TLN2: variants seen among roughly 807,000 people sequenced by gnomAD.
The protein encoded by TLN2 is talin-2.
A neutral mutation model predicts 294.7 loss-of-function variants in TLN2; 118 were observed. The ratio of observed to expected loss-of-function variants is 0.40; its 90% CI spans 0.34 to 0.47. TLN2 has a LOEUF of 0.47. Among genes scored for constraint, TLN2 ranks in the 20% least tolerant of loss-of-function variants. The pLI, the probability that TLN2 is intolerant of heterozygous loss-of-function variation, is 0.84. For missense variants in TLN2, 3,083 were observed against 3,282.2 expected (o/e 0.94, Z 1.48); for synonymous variants, 1,431 against 1,304.5 (o/e 1.10, Z -2.09).
intron 37 of TLN2, among the ~76,000 whole-genome samples, chr15:62,758,985 C>T (rs2062488068): frequency 6.6e-6 from 1 of 152,228 alleles, no homozygotes; most frequent in Non-Finnish European, 1.5e-5. Flanking sequence ...AATTGTTTCT[C>T]CCAGATGTCC....
intron 11 of TLN2, among the ~76,000 whole-genome samples, chr15:62,680,227 G>A (rs2056693010): frequency 6.6e-6 from 1 of 152,146 alleles, no homozygotes; most frequent in South Asian, 2.1e-4. Flanking sequence ...GATTTTGATA[G>A]TAATTGCATG....
At chr15:62,661,057 A>G (rs1452759960) in intron 9 of TLN2, among the ~76,000 whole-genome samples, 2 of 152,240 alleles carry the variant, frequency 1.3e-5, no homozygotes, top group African/African-American at 4.8e-5. Context: ...AGGTCAATGT[A>G]AAGAAGAATT....
rs765824466 is a variant in TLN2 at position 62,820,469 on chromosome 15, T to C, written c.6878-17T>C. 1 of 1,613,116 alleles carries C rather than the reference T, an allele frequency of 6.2e-7. No individual in the cohort carries two copies. The highest frequency in any genetic ancestry group is 1.3e-5 in the African/African-American group (1 of 74,980). ...TCTGCAGCTATGAAGAATCACCTTC[T>C]TTTGGACTGATTCTAGGAACAGAGT... On this transcript the variant is annotated splice_polypyrimidine_tract_variant and intron_variant, in intron 53 of 58. Transcript: ENST00000636159.
At chr15:62,609,027 G>A (rs780779296) in intron 2 of TLN2, among the ~76,000 whole-genome samples, 1 of 152,068 alleles carries the variant, frequency 6.6e-6, no homozygotes, top group Non-Finnish European at 1.5e-5. Context: ...CACTAGCCTG[G>A]AGAGTTTGTG....
At chr15:62,483,946 G>C (rs548543073) in intron 1 of TLN2, among the ~76,000 whole-genome samples, 61 of 152,214 alleles carry the variant, frequency 4.0e-4, no homozygotes, top group Non-Finnish European at 6.9e-4. Flanking sequence ...AGGGCAGTGC[G>C]TAGAGAAGAT....
At chr15:62,566,624 C>CTTTTT in intron 1 of TLN2, among the ~76,000 whole-genome samples, 1 of 135,540 alleles carries the variant, frequency 7.4e-6, no homozygotes, top group African/African-American at 2.7e-5. Flanking sequence ...AGAAACCTTC[C>CTTTTT]TTTTTTTTTT....
chr15:62,748,365 G>A lies in TLN2; in HGVS notation c.4040G>A (p.Ser1347Asn). ...TTCTGTCACAGAGCTGTGACAGAGA[G>A]CATCAATCAACTCATCACTCTGTGT... ...LAAAARAVTE[S>N]INQLITLCTQ... Residue 1347 changes from serine (S) to asparagine (N), a missense_variant, in exon 33 of 59, where the codon AGC (serine) becomes AAC (asparagine). Physicochemically the swap from Ser to Asn is conservative, Grantham distance 46. Coordinates refer to ENST00000636159, the MANE Select transcript of TLN2 (RefSeq NM_015059.3). 6.2e-6 allele frequency: 10 copies of A among 1,611,564 alleles called. No individual in the cohort carries two copies. Among genetic ancestry groups the A allele is most frequent in the South Asian group, 2.2e-5 (2 of 90,772 alleles).
At chr15:62,513,975 C>A (rs1254674480) in intron 1 of TLN2, among the ~76,000 whole-genome samples, 2 of 152,212 alleles carry the variant, frequency 1.3e-5, no homozygotes, top group Admixed American at 1.3e-4. Context: ...ACCCCTCCGC[C>A]CTCTACTAAC....
intron 1 of TLN2, among the ~76,000 whole-genome samples, chr15:62,495,879 C>T (rs2038987351): frequency 6.6e-6 from 1 of 151,590 alleles, no homozygotes; most frequent in Non-Finnish European, 1.5e-5. Context: ...TGGCTAATTG[C>T]ATGTTGCCTT....
chr15:62,439,277 G>T (rs1482537040), intron 1 of TLN2, among the ~76,000 whole-genome samples: 1 of 152,140 alleles, frequency 6.6e-6, no homozygotes, highest in Non-Finnish European at 1.5e-5. Context: ...CCTGTTAATA[G>T]ATTGATCCTG....
chr15:62,609,907 T>C (rs2047773601), intron 2 of TLN2, among the ~76,000 whole-genome samples: 1 of 152,246 alleles, frequency 6.6e-6, no homozygotes. Context: ...AATGTTACTG[T>C]CATTATTTTG....
chr15:62,787,263 C>T (rs1054782832), intron 45 of TLN2, among the ~76,000 whole-genome samples: 2 of 152,172 alleles, frequency 1.3e-5, no homozygotes, highest in African/African-American at 4.8e-5. Context: ...CTTTCACAAG[C>T]TGTCCCAAGC....
At chr15:62,568,696 C>T (rs1003439988) in intron 1 of TLN2, among the ~76,000 whole-genome samples, 1 of 152,142 alleles carries the variant, frequency 6.6e-6, no homozygotes, top group Admixed American at 6.5e-5. Context: ...TTGACCCTGC[C>T]CCTGAGCTTG....
rs565273317 is a variant in TLN2, at chr15:62,744,432, G to A, written c.4025+3663G>A. Among the ~76,000 whole-genome samples the A allele has an allele frequency of 5.6e-5, 8 of 142,688 alleles. No homozygotes were observed. In the South Asian group the frequency reaches 1.8e-3, roughly 32 times the overall value. The allele number at this position is 142,688 out of a possible 152,430, so 93.6% of individuals were successfully genotyped here. On this transcript the variant is annotated intron_variant, in intron 32 of 58. Coordinates refer to ENST00000636159, the MANE Select transcript of TLN2 (RefSeq NM_015059.3). ...TTTTTTTTTTTTTTTTTTTTAAAGA[G>A]AGGCAGTCTTGCTGTGTTGCTCAGC... is the stretch of plus-strand genomic sequence containing the variant.
chr15:62,698,879 T>C lies in TLN2; in HGVS notation c.1587+12T>C. 1 of 1,608,224 alleles carries C rather than the reference T, an allele frequency of 6.2e-7. No homozygotes were observed. The highest frequency in any genetic ancestry group is 8.5e-7 in the Non-Finnish European group (1 of 1,177,702). On this transcript the variant is annotated intron_variant, in intron 16 of 58. Coordinates refer to ENST00000636159, the MANE Select transcript of TLN2 (RefSeq NM_015059.3). ...TCGGCCAGGATATGGTAAATACTGT[T>C]CAGTGGTTTTCATGCCAAGTCTCTG... is the stretch of plus-strand genomic sequence containing the variant.
intron 1 of TLN2, among the ~76,000 whole-genome samples, chr15:62,582,175 C>T (rs887727214): frequency 1.5e-4 from 20 of 134,432 alleles, no homozygotes; most frequent in African/African-American, 5.2e-4. Flanking sequence ...CCAGCCATAA[C>T]TTCAGTGCAT....
chr15:62,635,374 TATTAA>T (rs1401132016), intron 3 of TLN2, among the ~76,000 whole-genome samples: 1 of 152,198 alleles, frequency 6.6e-6, no homozygotes, highest in African/African-American at 2.4e-5. Context: ...AAGATACAGC[TATTAA>T]ATTAAATTAT....
intron 1 of TLN2, among the ~76,000 whole-genome samples, chr15:62,454,728 A>G (rs1388037600): frequency 2.6e-5 from 4 of 152,158 alleles, no homozygotes; most frequent in Admixed American, 2.0e-4. Flanking sequence ...AGTTTTGAGC[A>G]GATAGATCCA....
rs2058763675 is a variant in TLN2 at position 62,702,260 on chromosome 15, G to C, written c.1905+60G>C. ...GATGGGACAGCTGCATCCACTGGGG[G>C]ACCATGGGGCTCTTGCTTCCCGAGC... On this transcript the variant is annotated intron_variant, in intron 18 of 58. Coordinates refer to ENST00000636159, the MANE Select transcript of TLN2 (RefSeq NM_015059.3). 6.0e-6 allele frequency: 9 copies of C among 1,504,704 alleles called. No homozygotes were observed. The South Asian group carries it at 8.8e-5, about 15-fold the overall frequency. 93.2% of individuals were successfully genotyped at this position (1,504,704 alleles called of 1,614,324 possible).
Sources: gnomAD v4.1 joint callset for allele counts (sites outside exome capture counted in the v4.1 genomes callset) on GRCh38, gnomAD v4.1.1 for gene constraint, MANE v1.5 for transcripts, NCBI Gene and HGNC (gene_info 2026-07-23, HGNC 2026-07-21) for gene names.